Variants in CALCOCO2 observed in about 807,000 individuals in gnomAD.
CALCOCO2 encodes calcium-binding and coiled-coil domain-containing protein 2.
A neutral mutation model predicts 62.5 loss-of-function variants in CALCOCO2; 42 were observed. The ratio of observed to expected loss-of-function variants is 0.67; its 90% CI spans 0.53 to 0.87. CALCOCO2 has a LOEUF of 0.87. CALCOCO2 is among the 40% of genes least tolerant of loss of function. The pLI is 0.00. For synonymous variants in CALCOCO2, 167 were observed against 173.0 expected (o/e 0.97, Z 0.27); for missense variants, 456 against 515.0 (o/e 0.89, Z 1.11).
In CALCOCO2 at chr17:48,863,406, G is replaced by A. The variant is rs984425059; in HGVS notation, c.*401G>A. The A allele has an allele frequency of 5.4e-5, 10 of 183,632 alleles. No individual in the cohort carries two copies. In the South Asian group the frequency reaches 9.6e-4, roughly 18 times the overall value. The allele number at this position is 183,632 out of a possible 1,614,324, so 11.4% of individuals were successfully genotyped here. On this transcript the variant is annotated 3_prime_UTR_variant, in exon 13 of 13. Coordinates refer to ENST00000258947, the MANE Select transcript of CALCOCO2 (RefSeq NM_005831.5). Reference sequence around the variant, plus strand: ...TATTTGTTCTCAGTCCTAACCCTGGGGCCAGAGATTGGTCCGAGGTTGAGA... The same window carrying A: ...TATTTGTTCTCAGTCCTAACCCTGGAGCCAGAGATTGGTCCGAGGTTGAGA...
chr17:48,848,889 A>G (rs1298299631), intron 4 of CALCOCO2: 1 of 478,046 alleles, frequency 2.1e-6, no homozygotes, highest in East Asian at 6.4e-5. Flanking sequence ...TTCATCCAGC[A>G]CTATGGTAGG....
chr17:48,858,046 A>ATATAGAATAGAATAGAATAG, intron 10 of CALCOCO2, among the ~76,000 whole-genome samples: 1 of 40,038 alleles, frequency 2.5e-5, no homozygotes, highest in East Asian at 7.9e-4. Context: ...ATAGAATAGA[A>ATATAGAATAGAATAGAATAG]AATAGAATAG....
rs201152608 is a variant in CALCOCO2 at position 48,849,247 on chromosome 17, T to G, written c.418-5T>G. The G allele has an allele frequency of 3.5e-5, 57 of 1,613,406 alleles. No individual in the cohort carries two copies. Among genetic ancestry groups the G allele is most frequent in the Non-Finnish European group, 4.6e-5 (54 of 1,179,618 alleles). On this transcript the variant is annotated splice_region_variant and splice_polypyrimidine_tract_variant and intron_variant, in intron 4 of 12. Transcript: ENST00000258947. ...GAATATAGTTTATGGAATGTTCTTT[T>G]GTAGGGAGAGGTGGAAGAGATTGAG...
Position 48,852,683 on chromosome 17 carries a change from G to C in CALCOCO2, c.825+55G>C. The C allele has an allele frequency of 6.5e-6, 10 of 1,537,330 alleles. No homozygotes were observed. In the South Asian group the frequency reaches 1.1e-4, roughly 18 times the overall value. On this transcript the variant is annotated intron_variant, in intron 8 of 12. Coordinates refer to ENST00000258947, the MANE Select transcript of CALCOCO2 (RefSeq NM_005831.5). Reference sequence around the variant, plus strand: ...AGGCATTTGCAAGAAAATATACGTTGTTCTTTGTATAAAGAACATTTTAAT... The same window carrying C: ...AGGCATTTGCAAGAAAATATACGTTCTTCTTTGTATAAAGAACATTTTAAT...
At chr17:48,855,309 G>A (rs553686208) in intron 9 of CALCOCO2, among the ~76,000 whole-genome samples, 16 of 152,258 alleles carry the variant, frequency 1.1e-4, no homozygotes, top group African/African-American at 3.9e-4. Flanking sequence ...GAGCCAACGG[G>A]GATGGGAAGC....
intron 10 of CALCOCO2, among the ~76,000 whole-genome samples, chr17:48,857,636 G>A (rs2040238888): frequency 6.7e-6 from 1 of 149,700 alleles, no homozygotes; most frequent in Non-Finnish European, 1.5e-5. Flanking sequence ...ATGCCTCCTA[G>A]TGATCATTTT....
intron 1 of CALCOCO2, among the ~76,000 whole-genome samples, chr17:48,838,046 G>T (rs2039918373): frequency 6.6e-6 from 1 of 152,120 alleles, no homozygotes; most frequent in Admixed American, 6.6e-5. Context: ...GAAGGATGGG[G>T]TTTATTAGGC....
chr17:48,861,277 G>A (rs551585869), intron 11 of CALCOCO2, among the ~76,000 whole-genome samples: 4 of 152,052 alleles, frequency 2.6e-5, no homozygotes, highest in South Asian at 2.1e-4. Flanking sequence ...GGGCTCAACC[G>A]ATCCTCTCAC....
At chr17:48,851,217 G>A (rs768259204) in intron 6 of CALCOCO2, 40 bp downstream of exon 6, 5 of 1,060,690 alleles carry the variant, frequency 4.7e-6, no homozygotes, top group Non-Finnish European at 5.9e-6. Context: ...AAGAGCTGCT[G>A]TACCATCAGT....
At chr17:48,856,042 C>T (rs2040210197) in intron 9 of CALCOCO2, 50 bp from the exon 10 acceptor site, 3 of 919,286 alleles carry the variant, frequency 3.3e-6, no homozygotes, top group Non-Finnish European at 5.2e-6. Context: ...TCACCTTGTA[C>T]CCAGACTGCA....
rs1252967498 is a variant in CALCOCO2 at position 48,852,561 on chromosome 17, A to AT, written c.759dup (p.Lys254Ter). Reference sequence around the variant, plus strand: ...GAGAAGCTTGTTCAGGGAGATCAAGATAAGACAGAGCAGTTAGAGCAGCTG... The same window carrying AT: ...GAGAAGCTTGTTCAGGGAGATCAAGATTAAGACAGAGCAGTTAGAGCAGCTG... On this transcript the variant is annotated frameshift_variant, in exon 8 of 13. Coordinates refer to ENST00000258947, the MANE Select transcript of CALCOCO2 (RefSeq NM_005831.5). LOFTEE classifies it high-confidence loss of function. 1 of 1,613,376 alleles carries AT rather than the reference A, an allele frequency of 6.2e-7. No homozygotes were observed. The highest frequency in any genetic ancestry group is 8.5e-7 in the Non-Finnish European group (1 of 1,179,308).
rs1176188808 is a variant in CALCOCO2, at chr17:48,854,403, T to A, written c.912+1391T>A. On this transcript the variant is annotated intron_variant, in intron 9 of 12. Transcript: ENST00000258947. Reference sequence around the variant, plus strand: ...TTATTTATATATATATATATTTTTTTTTTTTTTTTTTTTTTTTTTTTTGAG... The same window carrying A: ...TTATTTATATATATATATATTTTTTATTTTTTTTTTTTTTTTTTTTTTGAG... Among the ~76,000 whole-genome samples the A allele has an allele frequency of 2.3e-3, 61 of 26,756 alleles. 5 individuals are homozygous for A. In the East Asian group the frequency reaches 0.036, roughly 16 times the overall value. The allele number at this position is 26,756 out of a possible 152,430, so 17.6% of individuals were successfully genotyped here. A position where few individuals can be genotyped will look rare whatever the true frequency, so the allele number is the denominator to read the frequency against.
intron 2 of CALCOCO2, among the ~76,000 whole-genome samples, chr17:48,843,303 A>G (rs1057180223): frequency 1.6e-4 from 24 of 152,190 alleles, no homozygotes; most frequent in African/African-American, 5.3e-4. Context: ...CACCATAATG[A>G]CAAATCTTCT....
intron 2 of CALCOCO2, among the ~76,000 whole-genome samples, chr17:48,846,914 T>TG (rs2040060599): frequency 6.6e-6 from 1 of 152,228 alleles, no homozygotes; most frequent in African/African-American, 2.4e-5. Context: ...TTCTATTCTC[T>TG]GGTGTGCTTT....
At chr17:48,852,296 G>A (rs1394824293) in intron 7 of CALCOCO2, 2 of 470,928 alleles carry the variant, frequency 4.2e-6, no homozygotes, top group African/African-American at 3.9e-5. Context: ...CAAAAGTCTG[G>A]AATATAGAGC....
rs373600469 is a variant in CALCOCO2, at chr17:48,841,715, A to T, written c.8A>T (p.Glu3Val). 1.9e-6 allele frequency: 3 copies of T among 1,610,338 alleles called. No individual in the cohort carries two copies. In the African/African-American group the frequency reaches 4.0e-5, roughly 22 times the overall value. ME[E>V]TIKDPPTSAV... is the part of the protein sequence containing the mutation. ...CATAACAGGACCCCTACCATGGAGG[A>T]GACCATCAAAGATCCCCCCACATCA... Residue 3 changes from glutamate to valine, a missense_variant, in exon 2 of 13, where the codon GAG (glutamate) becomes GTG (valine). Physicochemically the swap from Glu to Val is moderately radical, Grantham distance 121 (BLOSUM62 -2). This residue lies in a region of CALCOCO2 where 48 missense variants were observed against 79.3 expected (regional missense o/e 0.61). Transcript: ENST00000258947.
Position 48,848,137 on chromosome 17 carries a change from C to G in CALCOCO2, c.254C>G (p.Ser85Ter), listed in dbSNP as rs926668850. The G allele has an allele frequency of 1.1e-5, 18 of 1,612,630 alleles. No homozygotes were observed. Among genetic ancestry groups the G allele is most frequent in the Non-Finnish European group, 1.4e-5 (16 of 1,178,806 alleles). ...VTLPIDLNNK[S>*]AKQQEVQFKA... ...TTGCCCATTGACCTAAACAACAAAT[C>G]AGCTAAACAGCAGGAAGTCCAATTC... Residue 85 changes from serine to a stop codon, truncating the protein, a stop_gained, in exon 3 of 13, where the codon TCA becomes TGA. Coordinates refer to ENST00000258947, the MANE Select transcript of CALCOCO2 (RefSeq NM_005831.5). LOFTEE classifies it high-confidence loss of function.
rs1175085371 is a variant in CALCOCO2, at chr17:48,839,742, T to A, written c.-10-1956T>A. Reference sequence around the variant, plus strand: ...CCCAGGCTAGAGTGCAGTGGCATGATCTTGGCTCACTGAGACCTCCGCTCC... The same window carrying A: ...CCCAGGCTAGAGTGCAGTGGCATGAACTTGGCTCACTGAGACCTCCGCTCC... On this transcript the variant is annotated intron_variant, in intron 1 of 12. Transcript: ENST00000258947. Among the ~76,000 whole-genome samples, 4 of 147,318 alleles carry A rather than the reference T, an allele frequency of 2.7e-5. 1 individual carries two copies. The East Asian group carries it at 8.0e-4, about 29-fold the overall frequency.
intron 2 of CALCOCO2, chr17:48,842,799 C>T (rs1474284584): frequency 6.6e-6 from 1 of 152,000 alleles, no homozygotes; most frequent in African/African-American, 2.4e-5. Flanking sequence ...TGCCACCACA[C>T]CCTGCTAATT....
Sources: gnomAD v4.1 joint callset for allele counts (sites outside exome capture counted in the v4.1 genomes callset) on GRCh38, gnomAD v4.1.1 for gene constraint, gnomAD v4.1.1 regional missense constraint, MANE v1.5 for transcripts, NCBI Gene and HGNC (gene_info 2026-07-23, HGNC 2026-07-21) for gene names.